RXFP1: variants seen among roughly 807,000 people sequenced by gnomAD.
RXFP1 encodes the protein relaxin family peptide receptor 1.
Under a neutral mutation model 89.8 loss-of-function variants are expected in RXFP1, and 73 were observed. That is an observed-to-expected ratio of 0.81 (90% confidence interval 0.67 to 0.99). RXFP1 has a LOEUF of 0.99. Ranked by LOEUF, RXFP1 falls within the 50% of genes least tolerant of loss-of-function variation. RXFP1 has a pLI of 0.00. For missense variants in RXFP1, 793 were observed against 895.5 expected (o/e 0.89, Z 1.46); for synonymous variants, 277 against 305.5 (o/e 0.91, Z 0.97).
chr4:158,622,456 T>C (rs1007237133), intron 9 of RXFP1, among the ~76,000 whole-genome samples: 1 of 152,184 alleles, frequency 6.6e-6, no homozygotes, highest in Non-Finnish European at 1.5e-5. Flanking sequence ...ATAGCCAAGA[T>C]ATTAGTCAAC....
chr4:158,527,401 G>A (rs1742792072), intron 1 of RXFP1, among the ~76,000 whole-genome samples: 1 of 151,082 alleles, frequency 6.6e-6, no homozygotes, highest in South Asian at 2.1e-4. Flanking sequence ...AAGTTAGCCG[G>A]GCGTGGTGGT....
rs1759233744 is a variant in RXFP1 at position 158,590,538 on chromosome 4, CTA to C, written c.188-2862_188-2861del. 3.3e-5 allele frequency among the ~76,000 whole-genome samples: 5 copies of C among 152,318 alleles called. No individual in the cohort carries two copies. In the South Asian group the frequency reaches 1.0e-3, roughly 32 times the overall value. On this transcript the variant is annotated intron_variant, in intron 2 of 17. Coordinates refer to ENST00000307765, the MANE Select transcript of RXFP1 (RefSeq NM_021634.4). ...ACCCTTGAAATTTCTCATTCTCATT[CTA>C]ATGATTTATCGTAGCAAGAACTTTG...
intron 6 of RXFP1, 131 bp from the exon 7 acceptor site, chr4:158,611,999 T>C (rs1357263671): frequency 4.4e-6 from 3 of 676,470 alleles, no homozygotes; most frequent in Non-Finnish European, 7.6e-6. Flanking sequence ...TCTTAGAGAT[T>C]CAAAGGCAGG....
At chr4:158,548,783 C>G (rs942124596) in intron 1 of RXFP1, among the ~76,000 whole-genome samples, 1 of 152,226 alleles carries the variant, frequency 6.6e-6, no homozygotes. Context: ...TTGGCCCCCA[C>G]TCTCTTCTGG....
chr4:158,645,805 T>C (rs945262397), intron 15 of RXFP1, among the ~76,000 whole-genome samples: 1 of 152,200 alleles, frequency 6.6e-6, no homozygotes, highest in Non-Finnish European at 1.5e-5. Flanking sequence ...GTTCTACTTT[T>C]GTATGTGTGC....
At chr4:158,575,835 TCA>T (rs903860439) in intron 2 of RXFP1, among the ~76,000 whole-genome samples, 11 of 152,248 alleles carry the variant, frequency 7.2e-5, no homozygotes, top group African/African-American at 2.4e-4. Flanking sequence ...CCTAGTGTTA[TCA>T]GTTAGCTGTA....
chr4:158,624,146 CAT>C (rs1766234275), intron 9 of RXFP1, among the ~76,000 whole-genome samples: 1 of 152,266 alleles, frequency 6.6e-6, no homozygotes, highest in East Asian at 1.9e-4. Flanking sequence ...AGGACATAAA[CAT>C]ACACAAACCA....
chr4:158,619,904 C>T (rs1765287232), intron 9 of RXFP1, among the ~76,000 whole-genome samples: 1 of 152,000 alleles, frequency 6.6e-6, no homozygotes, highest in Admixed American at 6.6e-5. Context: ...GCAGGAAATG[C>T]TCTTATGAGA....
intron 8 of RXFP1, among the ~76,000 whole-genome samples, chr4:158,613,972 A>C (rs1764037348): frequency 6.6e-6 from 1 of 152,188 alleles, no homozygotes; most frequent in Admixed American, 6.5e-5. Context: ...GTTAGCAGGC[A>C]TGAAAACAAC....
intron 5 of RXFP1, chr4:158,607,176 G>T (rs1308649812): frequency 3.6e-5 from 48 of 1,333,332 alleles, no homozygotes; most frequent in Non-Finnish European, 5.0e-5. Context: ...GTGCAATGAT[G>T]CAATAGCGTA....
chr4:158,647,735 A>C (rs1771841364), intron 16 of RXFP1, among the ~76,000 whole-genome samples: 1 of 152,056 alleles, frequency 6.6e-6, no homozygotes, highest in African/African-American at 2.4e-5. Context: ...AGCTGGTGTG[A>C]GGCCAGGCAC....
intron 1 of RXFP1, among the ~76,000 whole-genome samples, chr4:158,566,877 G>A (rs1275075930): frequency 1.3e-5 from 2 of 152,238 alleles, no homozygotes; most frequent in Non-Finnish European, 2.9e-5. Context: ...CCGCTGCACT[G>A]TGGGAGCCCC....
chr4:158,533,118 C>T (rs1030171571), intron 1 of RXFP1, among the ~76,000 whole-genome samples: 1 of 152,144 alleles, frequency 6.6e-6, no homozygotes, highest in Admixed American at 6.5e-5. Flanking sequence ...CTGTGTCCTT[C>T]GTTACTGGAT....
At chr4:158,584,412 C>A (rs1289362684) in intron 2 of RXFP1, among the ~76,000 whole-genome samples, 3 of 149,894 alleles carry the variant, frequency 2.0e-5, no homozygotes, top group East Asian at 3.9e-4. Flanking sequence ...CCAGCCTGGG[C>A]AACAGGGTGA....
At chr4:158,548,836 G>T (rs915342295) in intron 1 of RXFP1, among the ~76,000 whole-genome samples, 12 of 152,182 alleles carry the variant, frequency 7.9e-5, no homozygotes, top group African/African-American at 2.4e-4. Context: ...AGTCTCATGA[G>T]CTTCCCTTTG....
At chr4:158,611,893 A>G (rs757216911) in intron 6 of RXFP1, among the ~76,000 whole-genome samples, 4 of 152,224 alleles carry the variant, frequency 2.6e-5, no homozygotes, top group Non-Finnish European at 5.9e-5. Flanking sequence ...AGTATTCAAA[A>G]TAGGTTAATG....
At chr4:158,578,834 A>G (rs1324987231) in intron 2 of RXFP1, among the ~76,000 whole-genome samples, 2 of 151,984 alleles carry the variant, frequency 1.3e-5, no homozygotes, top group Non-Finnish European at 2.9e-5. Context: ...GTCTGTTTAC[A>G]TATTACCAAT....
chr4:158,569,125 C>T (rs1039934557), intron 1 of RXFP1, among the ~76,000 whole-genome samples: 11 of 152,108 alleles, frequency 7.2e-5, no homozygotes, highest in African/African-American at 2.2e-4. Flanking sequence ...GCAGCTTGTT[C>T]GTAATTGCCA....
intron 2 of RXFP1, among the ~76,000 whole-genome samples, chr4:158,577,158 C>T (rs1430604955): frequency 3.9e-5 from 6 of 152,116 alleles, no homozygotes; most frequent in Non-Finnish European, 7.4e-5. Flanking sequence ...CCTGCTTCAG[C>T]CTCCCAAGAG....
Sources: allele counts gnomAD v4.1 joint callset (sites outside exome capture counted in the v4.1 genomes callset), GRCh38; gene constraint gnomAD v4.1.1; transcripts MANE v1.5; gene names NCBI Gene and HGNC (gene_info 2026-07-23, HGNC 2026-07-21).